The following MAP3K7 variants were observed in gnomAD, a reference collection of about 807,000 sequenced individuals.
MAP3K7 encodes TGF-beta activated kinase 1.
MAP3K7 carries 21 observed loss-of-function variants against 84.8 expected under a neutral mutation model. That is an observed-to-expected ratio of 0.25 (90% CI 0.18 to 0.36). The LOEUF (loss-of-function observed/expected upper bound fraction) is 0.36. Ranked by LOEUF, MAP3K7 falls within the 10% of genes least tolerant of loss-of-function variation. MAP3K7 has a pLI of 1.00. For missense variants in MAP3K7, 503 were observed against 747.7 expected, an observed-to-expected ratio of 0.67 and a Z score of 3.82; for synonymous variants, 241 against 247.7, an observed-to-expected ratio of 0.97 and a Z score of 0.25.
intron 9 of MAP3K7, among the ~76,000 whole-genome samples, chr6:90,549,173 C>T (rs2127972851): frequency 6.6e-6 from 1 of 152,136 alleles, no homozygotes; most frequent in East Asian, 1.9e-4. Flanking sequence ...ATAGTTTAGC[C>T]AGAGTAACAG....
intron 3 of MAP3K7, among the ~76,000 whole-genome samples, chr6:90,567,671 C>T (rs1347971885): frequency 6.6e-6 from 1 of 152,164 alleles, no homozygotes; most frequent in Non-Finnish European, 1.5e-5. Flanking sequence ...CCTCAAGGAT[C>T]TAGAGTAGAA....
At position 90,587,070 on chromosome 6, in the gene MAP3K7, G is replaced by A; in HGVS notation, c.-187C>T. The A allele has an allele frequency of 1.6e-6, 1 of 606,462 alleles. No individual in the cohort carries two copies. Among genetic ancestry groups the A allele is most frequent in the Non-Finnish European group, 2.6e-6 (1 of 389,546 alleles). The allele number at this position is 606,462 out of a possible 1,614,324, so 37.6% of individuals were successfully genotyped here. On this transcript the variant is annotated 5_prime_UTR_variant, in exon 1 of 17. Coordinates refer to ENST00000369329, the MANE Select transcript of MAP3K7 (RefSeq NM_145331.3). ...CGGCTCTGGCTCCGCTGCGTTTTCC[G>A]CCGACGGGCCCCGCCCACTACACTT...
intron 9 of MAP3K7, among the ~76,000 whole-genome samples, chr6:90,548,486 TG>T (rs1776075660): frequency 6.6e-6 from 1 of 152,140 alleles, no homozygotes; most frequent in African/African-American, 2.4e-5. Flanking sequence ...AGAGTGAGTT[TG>T]AAGGAAGTAT....
intron 1 of MAP3K7, among the ~76,000 whole-genome samples, chr6:90,577,562 G>T (rs1777127918): frequency 6.6e-6 from 1 of 152,154 alleles, no homozygotes; most frequent in Non-Finnish European, 1.5e-5. Context: ...CAAGAGAGGA[G>T]AAGGAATGGG....
At chr6:90,553,608 T>C (rs1389498795) in intron 6 of MAP3K7, 22 bp from the exon 7 acceptor site, 1 of 1,590,118 alleles carries the variant, frequency 6.3e-7, no homozygotes, top group South Asian at 1.2e-5. Flanking sequence ...AAAGGTAGTA[T>C]ATAACCTAAA....
rs1417780521 is a variant in MAP3K7, at chr6:90,561,606, G to T, written c.343+16C>A. 9 of 1,590,532 alleles carry T rather than the reference G, an allele frequency of 5.7e-6. No individual in the cohort carries two copies. Among genetic ancestry groups the T allele is most frequent in the Non-Finnish European group, 7.8e-6 (9 of 1,159,854 alleles). On this transcript the variant is annotated intron_variant, in intron 4 of 16. Coordinates refer to ENST00000369329, the MANE Select transcript of MAP3K7 (RefSeq NM_145331.3). Reference sequence around the variant, plus strand: ...ATTTTAATCCACTAGATAAAGACAGGTCTAATGACACTCACCATTATATAA... The same window carrying T: ...ATTTTAATCCACTAGATAAAGACAGTTCTAATGACACTCACCATTATATAA...
intron 12 of MAP3K7, among the ~76,000 whole-genome samples, chr6:90,539,497 G>A (rs1775787332): frequency 6.6e-6 from 1 of 151,748 alleles, no homozygotes; most frequent in Admixed American, 6.6e-5. Flanking sequence ...TCTGTGCTAG[G>A]TGAGAACTTG....
In MAP3K7 at chr6:90,513,610, CAAAAAT is replaced by C. The variant is rs1374053845; in HGVS notation, c.*2885_*2890del. The C allele has an allele frequency of 6.6e-6, 1 of 152,090 alleles. No homozygotes were observed. Among genetic ancestry groups the C allele is most frequent in the Non-Finnish European group, 1.5e-5 (1 of 67,992 alleles). 9.4% of individuals were successfully genotyped at this position (152,090 alleles called of 1,614,324 possible). Reference sequence around the variant, plus strand: ...ATAGGAATCTGAATTTTATTAAAAACAAAAATAAATCTAAAAAGCTTCCTTCAGTTA... The same window carrying C: ...ATAGGAATCTGAATTTTATTAAAAACAAATCTAAAAAGCTTCCTTCAGTTA... On this transcript the variant is annotated 3_prime_UTR_variant, in exon 17 of 17. Coordinates refer to ENST00000369329, the MANE Select transcript of MAP3K7 (RefSeq NM_145331.3).
chr6:90,530,237 T>C (rs916483951), intron 13 of MAP3K7, among the ~76,000 whole-genome samples: 41 of 152,180 alleles, frequency 2.7e-4, no homozygotes, highest in African/African-American at 8.7e-4. Context: ...GAGAAACACA[T>C]GTTTGTGACA....
In MAP3K7 at chr6:90,586,845, AGAC is replaced by A; in HGVS notation, c.36_38del (p.Ser14del). 2 of 1,611,156 alleles carry A rather than the reference AGAC, an allele frequency of 1.2e-6. No individual in the cohort carries two copies. Among genetic ancestry groups the A allele is most frequent in the Non-Finnish European group, 1.7e-6 (2 of 1,178,642 alleles). On this transcript the variant is annotated inframe_deletion, in exon 1 of 17. Coordinates refer to ENST00000369329, the MANE Select transcript of MAP3K7 (RefSeq NM_145331.3). ...GGGCTTCGATCATCTCACCGGCCGA[AGAC>A]GAGGAGGAGGAGGAGGCGGCAGAGG...
intron 12 of MAP3K7, chr6:90,542,278 T>C (rs1056951655): frequency 3.0e-6 from 3 of 984,036 alleles, no homozygotes; most frequent in Non-Finnish European, 3.6e-6. Context: ...TTGGCTTTTA[T>C]GTCCACTAGT....
intron 8 of MAP3K7, chr6:90,551,532 T>C (rs1403251310): frequency 6.6e-6 from 1 of 152,162 alleles, no homozygotes; most frequent in African/African-American, 2.4e-5. Flanking sequence ...AGTTTAACTT[T>C]TTACTGGGAT....
intron 3 of MAP3K7, among the ~76,000 whole-genome samples, chr6:90,564,678 A>C (rs1037873420): frequency 2.0e-5 from 3 of 152,210 alleles, no homozygotes; most frequent in Non-Finnish European, 2.9e-5. Context: ...GAAAGTTAAC[A>C]AGGATATCCA....
chr6:90,549,667 G>GAGA (rs1776120596), intron 9 of MAP3K7, among the ~76,000 whole-genome samples: 1 of 152,174 alleles, frequency 6.6e-6, no homozygotes, highest in South Asian at 2.1e-4. Context: ...AGGAAATGAA[G>GAGA]AGAGAGTTTA....
intron 1 of MAP3K7, among the ~76,000 whole-genome samples, chr6:90,577,635 A>G (rs972354991): frequency 6.6e-6 from 1 of 152,226 alleles, no homozygotes; most frequent in African/African-American, 2.4e-5. Context: ...CAGAGAAGCC[A>G]AAAGAAAAAG....
At chr6:90,518,347 T>G in intron 16 of MAP3K7, 100 bp downstream of exon 16, 1 of 671,322 alleles carries the variant, frequency 1.5e-6, no homozygotes, top group Non-Finnish European at 2.5e-6. Context: ...AAAGTATACT[T>G]AATGACTAAT....
In MAP3K7 at chr6:90,547,267, C is replaced by A; in HGVS notation, c.1201G>T (p.Ala401Ser). 1 of 1,613,248 alleles carries A rather than the reference C, an allele frequency of 6.2e-7. No homozygotes were observed. The highest frequency in any genetic ancestry group is 8.5e-7 in the Non-Finnish European group (1 of 1,179,610). The stretch of plus-strand genomic sequence containing the variant: ...TGTAGTTCCTTTTTACCTGTGGTTG[C>A]GGCGATCCTAGCTTCTATTTCAGAC... ...DMSEIEARIA[A>S]TTAYSKPKRG... The change falls in exon 11 of 17, where the codon GCA becomes TCA. Residue 401 changes from alanine (A) to serine (S), a missense_variant. By Grantham distance (99) the Ala-to-Ser change is moderately conservative. Around this residue, in one of 5 missense-constraint regions of MAP3K7, gnomAD observed 286 missense variants for 313.6 expected, o/e 0.91. Transcript: ENST00000369329.
At chr6:90,564,815 T>A (rs1329583298) in intron 3 of MAP3K7, among the ~76,000 whole-genome samples, 2 of 152,142 alleles carry the variant, frequency 1.3e-5, no homozygotes, top group Non-Finnish European at 1.5e-5. Flanking sequence ...ACCACATAGT[T>A]GCAAGTAAAA....
intron 13 of MAP3K7, among the ~76,000 whole-genome samples, chr6:90,533,408 A>C (rs950497275): frequency 6.6e-6 from 1 of 152,140 alleles, no homozygotes; most frequent in African/African-American, 2.4e-5. Flanking sequence ...AGGGTTTTAG[A>C]AAAAGAAAGT....
Sources: gnomAD v4.1 joint callset for allele counts (sites outside exome capture counted in the v4.1 genomes callset) on GRCh38, gnomAD v4.1.1 for gene constraint, gnomAD v4.1.1 regional missense constraint, MANE v1.5 for transcripts, NCBI Gene and HGNC (gene_info 2026-07-23, HGNC 2026-07-21) for gene names.